Variants in SOS1 observed in about 807,000 individuals in gnomAD.
SOS1 encodes SOS Ras/Rac guanine nucleotide exchange factor 1, also known as son of sevenless homolog 1.
Under a neutral mutation model 157.6 loss-of-function variants are expected in SOS1, and 25 were observed. The observed-to-expected ratio is 0.16, with a 90% CI of 0.12 to 0.22. SOS1 has a LOEUF of 0.22. Among genes scored for constraint, SOS1 ranks in the 10% least tolerant of loss-of-function variants. The pLI is 1.00. For synonymous variants in SOS1, 528 were observed against 534.0 expected, an observed-to-expected ratio of 0.99 and a Z score of 0.16; for missense variants, 1,237 against 1,599.1, an observed-to-expected ratio of 0.77 and a Z score of 3.86.
intron 6 of SOS1, among the ~76,000 whole-genome samples, chr2:39,039,923 T>G (rs547892543): frequency 1.3e-5 from 2 of 152,366 alleles, no homozygotes; most frequent in African/African-American, 4.8e-5. Context: ...ATACAATATG[T>G]AGTCTTTTGT....
chr2:39,027,536 T>C (rs1372222751), intron 8 of SOS1, among the ~76,000 whole-genome samples: 1 of 152,238 alleles, frequency 6.6e-6, no homozygotes, highest in African/African-American at 2.4e-5. Context: ...AACTTGGCAC[T>C]GGTGCAATAT....
chr2:39,016,249 G>C (rs1192565301), intron 10 of SOS1, among the ~76,000 whole-genome samples: 6 of 151,992 alleles, frequency 3.9e-5, no homozygotes, highest in Non-Finnish European at 5.9e-5. Flanking sequence ...TTAAGTTAAA[G>C]ATTTACAGAA....
intron 12 of SOS1, 101 bp downstream of exon 12, chr2:39,013,745 GTAAATTTAATTTACTAATTTT>G: frequency 1.0e-6 from 1 of 963,522 alleles, no homozygotes; most frequent in East Asian, 2.5e-5. Context: ...GCTCTAATTA[GTAAATTTAATTTACTAATTTT>G]ATTGTCACCC....
upstream of SOS1, among the ~76,000 whole-genome samples, chr2:39,123,794 C>G (rs1237726160): frequency 6.6e-6 from 1 of 152,224 alleles, no homozygotes; most frequent in African/African-American, 2.4e-5. Flanking sequence ...TCCAGGACTA[C>G]ATAATCAACG....
At chr2:39,045,273 A>AGTGTGTGTGT (rs60673777) in intron 6 of SOS1, among the ~76,000 whole-genome samples, 2,684 of 108,064 alleles carry the variant, frequency 0.025, 56 homozygotes, top group African/African-American at 0.033. Context: ...AGAGAGAGAG[A>AGTGTGTGTGT]GTGTGTGTGT....
chr2:39,093,626 C>T (rs1277188255), intron 1 of SOS1, among the ~76,000 whole-genome samples: 1 of 152,152 alleles, frequency 6.6e-6, no homozygotes, highest in Non-Finnish European at 1.5e-5. Flanking sequence ...CCCAGAGACA[C>T]GAGATTGTTT....
Position 38,984,142 on chromosome 2 carries a change from A to T in SOS1, c.*1682T>A, listed in dbSNP as rs766432364. ...TTGCAGCACTTCTAAAAATGTCTCT[A>T]ATGGTGTGGTTAACAGAATTGCTGA... On this transcript the variant is annotated 3_prime_UTR_variant, in exon 23 of 23. Transcript: ENST00000402219. 6.6e-6 allele frequency: 1 copy of T among 152,142 alleles called. No individual in the cohort carries two copies. The highest frequency in any genetic ancestry group is 2.4e-5 in the African/African-American group (1 of 41,436). 9.4% of individuals were successfully genotyped at this position (152,142 alleles called of 1,614,324 possible).
intron 20 of SOS1, chr2:38,993,400 A>T (rs1188600917): frequency 6.6e-6 from 1 of 152,086 alleles, no homozygotes; most frequent in Non-Finnish European, 1.5e-5. Context: ...GCCTCAAGTG[A>T]TTTTCCCACC....
At chr2:39,049,662 A>C (rs1043050961) in intron 6 of SOS1, among the ~76,000 whole-genome samples, 9 of 152,096 alleles carry the variant, frequency 5.9e-5, no homozygotes, top group African/African-American at 2.2e-4. Flanking sequence ...TGGGAGACTT[A>C]ATGTTTTGTT....
intron 1 of SOS1, among the ~76,000 whole-genome samples, chr2:39,113,470 C>T (rs1272914961): frequency 6.6e-6 from 1 of 151,778 alleles, no homozygotes; most frequent in African/African-American, 2.4e-5. Flanking sequence ...GCATGAGCCA[C>T]CATGCCCAGC....
At chr2:38,990,242 T>G (rs1668689467) in intron 20 of SOS1, among the ~76,000 whole-genome samples, 1 of 151,858 alleles carries the variant, frequency 6.6e-6, no homozygotes. Flanking sequence ...GCATATTTGG[T>G]CAGAAGGAGG....
At chr2:38,999,509 T>G (rs1190602561) in intron 17 of SOS1, among the ~76,000 whole-genome samples, 1 of 152,238 alleles carries the variant, frequency 6.6e-6, no homozygotes, top group Non-Finnish European at 1.5e-5. Context: ...ATTAAGTGCA[T>G]TAGTTACTTG....
At chr2:39,031,266 A>G (rs147416220) in intron 8 of SOS1, among the ~76,000 whole-genome samples, 50 of 152,338 alleles carry the variant, frequency 3.3e-4, no homozygotes, top group Middle Eastern at 6.8e-3. Flanking sequence ...CCAGCATACA[A>G]GAAAAAGAAT....
At chr2:39,025,583 C>G (rs1669932463) in intron 8 of SOS1, among the ~76,000 whole-genome samples, 1 of 151,640 alleles carries the variant, frequency 6.6e-6, no homozygotes, top group South Asian at 2.1e-4. Flanking sequence ...TGGTCTCAAA[C>G]TCCTGACCTC....
intron 1 of SOS1, among the ~76,000 whole-genome samples, chr2:39,119,605 G>C (rs563613155): frequency 1.3e-5 from 2 of 152,176 alleles, no homozygotes; most frequent in Admixed American, 6.5e-5. Context: ...CTTTAAAAAC[G>C]TAAGAACACT....
intron 1 of SOS1, among the ~76,000 whole-genome samples, chr2:39,073,796 T>C (rs532166403): frequency 2.2e-4 from 33 of 152,352 alleles, no homozygotes; most frequent in African/African-American, 7.9e-4. Context: ...CTGATGAATC[T>C]TTCATATCCC....
chr2:39,021,071 A>G (rs1272412407), intron 10 of SOS1, among the ~76,000 whole-genome samples: 6 of 151,728 alleles, frequency 4.0e-5, no homozygotes, highest in East Asian at 1.9e-4. Context: ...TATATTCATT[A>G]TAAGTAAAAG....
At chr2:39,038,049 A>C (rs191703394) in intron 6 of SOS1, among the ~76,000 whole-genome samples, 131 of 152,338 alleles carry the variant, frequency 8.6e-4, no homozygotes, top group African/African-American at 3.1e-3. Context: ...CCCATGGATC[A>C]AGGAATAATT....
chr2:39,100,843 C>A (rs1254302261), intron 1 of SOS1, among the ~76,000 whole-genome samples: 1 of 152,074 alleles, frequency 6.6e-6, no homozygotes, highest in African/African-American at 2.4e-5. Context: ...CACTTAAGCC[C>A]AGGAGGGGGA....
Sources: allele counts gnomAD v4.1 joint callset (sites outside exome capture counted in the v4.1 genomes callset), GRCh38; gene constraint gnomAD v4.1.1; transcripts MANE v1.5; gene names NCBI Gene and HGNC (gene_info 2026-07-23, HGNC 2026-07-21).